GLRX3: variants seen among roughly 807,000 people sequenced by gnomAD.
GLRX3 encodes glutaredoxin-3.
A neutral mutation model predicts 49.5 loss-of-function variants in GLRX3; 22 were observed. That is an observed-to-expected ratio of 0.44 (90% CI 0.32 to 0.63). The LOEUF is 0.63. Among genes scored for constraint, GLRX3 ranks in the 30% least tolerant of loss-of-function variants. The pLI is 0.05. For missense variants in GLRX3, 385 were observed against 396.3 expected, an observed-to-expected ratio of 0.97 and a Z score of 0.24; for synonymous variants, 133 against 140.0, an observed-to-expected ratio of 0.95 and a Z score of 0.35.
At chr10:130,156,343 G>A (rs1030185980) in intron 2 of GLRX3, among the ~76,000 whole-genome samples, 5 of 152,148 alleles carry the variant, frequency 3.3e-5, no homozygotes, top group Non-Finnish European at 5.9e-5. Context: ...GGGCATAGCC[G>A]TCTTGGCCTA....
At chr10:130,138,847 G>GGT (rs749180544) in intron 1 of GLRX3, among the ~76,000 whole-genome samples, 1 of 95,032 alleles carries the variant, frequency 1.1e-5, no homozygotes, top group Non-Finnish European at 1.9e-5. Context: ...GAATAAAAGT[G>GGT]TTTTTTTTTT....
chr10:130,157,853 C>T (rs1704244035), intron 2 of GLRX3, among the ~76,000 whole-genome samples: 1 of 152,130 alleles, frequency 6.6e-6, no homozygotes, highest in Non-Finnish European at 1.5e-5. Context: ...CTTCTGAATG[C>T]AGATCCTTTA....
At chr10:130,157,614 T>C (rs1395808031) in intron 2 of GLRX3, among the ~76,000 whole-genome samples, 1 of 149,490 alleles carries the variant, frequency 6.7e-6, no homozygotes, top group Non-Finnish European at 1.5e-5. Context: ...CCAGGAGTAA[T>C]GTTTTAACAG....
chr10:130,162,263 G>T (rs536030539), intron 4 of GLRX3, among the ~76,000 whole-genome samples: 1 of 152,156 alleles, frequency 6.6e-6, no homozygotes, highest in East Asian at 1.9e-4. Context: ...GATTATAGGC[G>T]TGAGCCACCA....
intron 2 of GLRX3, among the ~76,000 whole-genome samples, chr10:130,156,329 A>T (rs1480113186): frequency 6.6e-6 from 1 of 152,180 alleles, no homozygotes. Flanking sequence ...GTTCCCATCC[A>T]TGAGGGCATA....
chr10:130,166,652 G>C lies in GLRX3; in HGVS notation c.624G>C (p.Glu208Asp). ...PTYPQLYVSG[E>D]LIGGLDIIKE... is the part of the protein sequence containing the mutation. ...ATCCTCAGCTCTATGTTTCTGGAGAGCTCATAGGAGGACTTGATATAATTA... is the reference window on the plus strand; with the variant it reads ...ATCCTCAGCTCTATGTTTCTGGAGACCTCATAGGAGGACTTGATATAATTA... Residue 208 changes from glutamate to aspartate, a missense_variant, in exon 5 of 11, where the codon GAG becomes GAC. By Grantham distance (45) the Glu-to-Asp change is conservative. This residue lies in a region of GLRX3 where 374 missense variants were observed against 358.6 expected (regional missense o/e 1.04). Coordinates refer to ENST00000331244, the MANE Select transcript of GLRX3 (RefSeq NM_006541.5). 6.2e-7 allele frequency: 1 copy of C among 1,609,974 alleles called. No individual in the cohort carries two copies. Among genetic ancestry groups the C allele is most frequent in the Non-Finnish European group, 8.5e-7 (1 of 1,176,382 alleles).
chr10:130,138,292 C>G (rs1354212055), intron 1 of GLRX3, among the ~76,000 whole-genome samples: 1 of 152,024 alleles, frequency 6.6e-6, no homozygotes, highest in Non-Finnish European at 1.5e-5. Context: ...CTCCTGAGCT[C>G]AAGTGATTCG....
intron 4 of GLRX3, among the ~76,000 whole-genome samples, chr10:130,162,960 G>C (rs1862605125): frequency 6.6e-6 from 1 of 151,992 alleles, no homozygotes; most frequent in South Asian, 2.1e-4. Flanking sequence ...AAGTAAATTA[G>C]AGAGAAACTT....
At chr10:130,162,039 C>T (rs547252909) in intron 4 of GLRX3, among the ~76,000 whole-genome samples, 22 of 152,310 alleles carry the variant, frequency 1.4e-4, no homozygotes, top group East Asian at 9.7e-4. Context: ...TGCAATGGCA[C>T]GATCTCAGTG....
intron 2 of GLRX3, among the ~76,000 whole-genome samples, chr10:130,148,340 AG>A (rs1403793077): frequency 6.6e-6 from 1 of 150,890 alleles, no homozygotes; most frequent in Non-Finnish European, 1.5e-5. Context: ...CATGTTGCTC[AG>A]GCTGGTCTTG....
chr10:130,175,058 G>T lies in GLRX3; in HGVS notation c.926G>T (p.Gly309Val), dbSNP rs770261245. Residue 309 changes from glycine (G) to valine (V), a missense_variant, in exon 10 of 11, where the codon GGG (glycine) becomes GTG (valine). Coordinates refer to ENST00000331244, the MANE Select transcript of GLRX3 (RefSeq NM_006541.5). ...WPTYPQLYVKGELVGGLDIVK... is the reference protein window; with the variant it reads ...WPTYPQLYVKVELVGGLDIVK... ...ACATACCCTCAGCTGTATGTGAAAG[G>T]GGAGCTGGTGGGAGGATTGGATATT... 1 of 1,587,720 alleles carries T rather than the reference G, an allele frequency of 6.3e-7. No homozygotes were observed. Among genetic ancestry groups the T allele is most frequent in the South Asian group, 1.1e-5 (1 of 90,572 alleles).
chr10:130,167,922 G>A (rs1048748454), intron 6 of GLRX3, among the ~76,000 whole-genome samples: 4 of 152,126 alleles, frequency 2.6e-5, no homozygotes, highest in African/African-American at 9.7e-5. Flanking sequence ...GTCTTCATGT[G>A]TGGTTCTTGC....
At chr10:130,171,124 A>C (rs945389838) in intron 7 of GLRX3, among the ~76,000 whole-genome samples, 1 of 151,476 alleles carries the variant, frequency 6.6e-6, no homozygotes, top group Non-Finnish European at 1.5e-5. Context: ...GTCTCAAAAA[A>C]TAAATAAATA....
chr10:130,137,354 G>C (rs1290160668), intron 1 of GLRX3, among the ~76,000 whole-genome samples: 1 of 152,178 alleles, frequency 6.6e-6, no homozygotes, highest in African/African-American at 2.4e-5. Flanking sequence ...GTGCCTGCAG[G>C]GAAAGGTCTG....
intron 6 of GLRX3, among the ~76,000 whole-genome samples, 180 bp downstream of exon 6, chr10:130,167,160 A>G (rs1862708540): frequency 6.6e-6 from 1 of 152,200 alleles, no homozygotes; most frequent in South Asian, 2.1e-4. Flanking sequence ...TATTGGAGAA[A>G]TTTTAGCACC....
At chr10:130,150,311 C>A (rs1862350368) in intron 2 of GLRX3, among the ~76,000 whole-genome samples, 1 of 151,832 alleles carries the variant, frequency 6.6e-6, no homozygotes, top group African/African-American at 2.4e-5. Flanking sequence ...TCTTGCTTTC[C>A]ATGCAAGCCT....
At chr10:130,173,062 C>G (rs888439036) in intron 8 of GLRX3, among the ~76,000 whole-genome samples, 1 of 152,208 alleles carries the variant, frequency 6.6e-6, no homozygotes, top group Non-Finnish European at 1.5e-5. Context: ...CTGGGCCATA[C>G]AGTGGGGGCT....
intron 4 of GLRX3, among the ~76,000 whole-genome samples, chr10:130,165,190 T>G (rs764558737): frequency 6.6e-6 from 1 of 152,242 alleles, no homozygotes; most frequent in Non-Finnish European, 1.5e-5. Context: ...ATAGAAATTT[T>G]GAATCTGAAG....
chr10:130,175,413 CT>C (rs2134929156), intron 10 of GLRX3, among the ~76,000 whole-genome samples: 1 of 152,348 alleles, frequency 6.6e-6, no homozygotes, highest in African/African-American at 2.4e-5. Context: ...TCTTGCCTTA[CT>C]CATCTGCCCT....
Sources: gnomAD v4.1 joint callset for allele counts (sites outside exome capture counted in the v4.1 genomes callset) on GRCh38, gnomAD v4.1.1 for gene constraint, gnomAD v4.1.1 regional missense constraint, MANE v1.5 for transcripts, NCBI Gene and HGNC (gene_info 2026-07-23, HGNC 2026-07-21) for gene names.